The following HFM1 variants were observed in gnomAD, a reference collection of about 807,000 sequenced individuals.
HFM1 encodes probable ATP-dependent DNA helicase HFM1.
In HFM1, 169 loss-of-function variants were observed where a neutral mutation model predicts 192.1. That is an observed-to-expected ratio of 0.88 (90% confidence interval 0.78 to 1.00). The LOEUF is 1.00. Among genes scored for constraint, HFM1 ranks in the 50% least tolerant of loss-of-function variants. The pLI is 0.00. For missense variants in HFM1, 1,661 were observed against 1,668.0 expected, an observed-to-expected ratio of 1.00 and a Z score of 0.07; for synonymous variants, 525 against 537.8, an observed-to-expected ratio of 0.98 and a Z score of 0.33.
At chr1:91,367,380 C>T (rs282047) in intron 13 of HFM1, among the ~76,000 whole-genome samples, 2 of 152,084 alleles carry the variant, frequency 1.3e-5, no homozygotes, top group African/African-American at 4.8e-5. Flanking sequence ...ACACCTCACA[C>T]AGCTGGGTAC....
At chr1:91,316,231 CT>C in intron 26 of HFM1, 47 bp from the exon 27 acceptor site, 1 of 1,217,234 alleles carries the variant, frequency 8.2e-7, no homozygotes, top group Non-Finnish European at 1.2e-6. Flanking sequence ...ACTTGAAATT[CT>C]TTTAGTAAAA....
Position 91,378,132 on chromosome 1 carries a change from TAACTAC to T in HFM1, c.1282_1287del (p.Val428_Val429del), listed in dbSNP as rs1661125231. The T allele has an allele frequency of 6.2e-7, 1 of 1,610,524 alleles. No homozygotes were observed. Among genetic ancestry groups the T allele is most frequent in the African/African-American group, 1.3e-5 (1 of 74,912 alleles). ...ACAGACTGTACAGTTTTCATTCTGCTAACTACAACTTCAAGAGTTGGACCACGATTT... is the reference window on the plus strand; with the variant it reads ...ACAGACTGTACAGTTTTCATTCTGCTAACTTCAAGAGTTGGACCACGATTT... On this transcript the variant is annotated inframe_deletion, in exon 11 of 39. Coordinates refer to ENST00000370425, the MANE Select transcript of HFM1 (RefSeq NM_001017975.6).
At chr1:91,298,529 G>C (rs528521836) in intron 30 of HFM1, among the ~76,000 whole-genome samples, 1 of 152,240 alleles carries the variant, frequency 6.6e-6, no homozygotes, top group East Asian at 1.9e-4. Flanking sequence ...GTTAAGAGCA[G>C]CCAGAGAGAA....
chr1:91,293,046 A>G (rs938949814), intron 30 of HFM1, among the ~76,000 whole-genome samples: 1 of 152,214 alleles, frequency 6.6e-6, no homozygotes, highest in African/African-American at 2.4e-5. Flanking sequence ...TTATACAAAA[A>G]TTAATTCAAG....
chr1:91,315,018 T>C (rs1650997072), intron 28 of HFM1, among the ~76,000 whole-genome samples: 1 of 152,192 alleles, frequency 6.6e-6, no homozygotes, highest in Non-Finnish European at 1.5e-5. Flanking sequence ...TTCCTGAACT[T>C]ACAAGTACAG....
intron 20 of HFM1, among the ~76,000 whole-genome samples, chr1:91,334,496 A>G (rs1392835758): frequency 6.6e-6 from 1 of 152,236 alleles, no homozygotes; most frequent in Non-Finnish European, 1.5e-5. Flanking sequence ...ACAGGTGACC[A>G]CTTAAAATTC....
At chr1:91,395,023 G>GTA (rs149719832) in intron 3 of HFM1, among the ~76,000 whole-genome samples, 10,151 of 151,612 alleles carry the variant, frequency 0.067, 444 homozygotes, top group Middle Eastern at 0.15. Flanking sequence ...TTTGATATAA[G>GTA]TATATATATA....
intron 25 of HFM1, among the ~76,000 whole-genome samples, chr1:91,318,222 T>C (rs916292686): frequency 6.6e-6 from 1 of 152,148 alleles, no homozygotes; most frequent in Admixed American, 6.6e-5. Context: ...CAATCCCCAC[T>C]TCACCCCAGC....
intron 21 of HFM1, 152 bp downstream of exon 21, chr1:91,324,523 G>C: frequency 7.3e-6 from 4 of 546,272 alleles, no homozygotes; most frequent in Non-Finnish European, 1.3e-5. Context: ...CATATCTCAT[G>C]ATCAGAATTA....
At chr1:91,283,810 T>C (rs1481251484) in intron 30 of HFM1, among the ~76,000 whole-genome samples, 2 of 152,038 alleles carry the variant, frequency 1.3e-5, no homozygotes, top group African/African-American at 4.8e-5. Context: ...AAAAAAGAAG[T>C]CCAGACAATA....
At chr1:91,347,099 A>G (rs2101685055) in intron 19 of HFM1, among the ~76,000 whole-genome samples, 1 of 152,264 alleles carries the variant, frequency 6.6e-6, no homozygotes, top group Admixed American at 6.5e-5. Context: ...ACAGAGTAAG[A>G]CTGTCTCTTT....
chr1:91,341,070 C>T lies in HFM1; in HGVS notation c.2335+2360G>A, dbSNP rs557386527. Among the ~76,000 whole-genome samples, 10 of 152,256 alleles carry T rather than the reference C, an allele frequency of 6.6e-5. No homozygotes were observed. In the South Asian group the frequency reaches 2.1e-3, roughly 32 times the overall value. ...CAAATAAAAATGTTCAGGACCTAAA[C>T]TTGACACTTGACCAAATGGACCTAA... On this transcript the variant is annotated intron_variant, in intron 20 of 38. Transcript: ENST00000370425.
At chr1:91,300,858 C>T (rs1407213293) in intron 30 of HFM1, among the ~76,000 whole-genome samples, 1 of 152,120 alleles carries the variant, frequency 6.6e-6, no homozygotes, top group African/African-American at 2.4e-5. Flanking sequence ...GGAAGCATTC[C>T]CTTTGAAAAC....
intron 30 of HFM1, among the ~76,000 whole-genome samples, chr1:91,304,076 A>G (rs758506226): frequency 3.3e-5 from 5 of 152,006 alleles, no homozygotes; most frequent in Non-Finnish European, 7.4e-5. Context: ...GGTGGTCTTG[A>G]ACTCCTGACC....
chr1:91,367,698 T>A (rs1428849116), intron 13 of HFM1, among the ~76,000 whole-genome samples: 1 of 152,066 alleles, frequency 6.6e-6, no homozygotes, highest in Non-Finnish European at 1.5e-5. Context: ...TCAGAGTGCC[T>A]ATCCTCCTCC....
intron 30 of HFM1, 109 bp downstream of exon 30, chr1:91,313,240 C>G: frequency 1.7e-6 from 1 of 572,568 alleles, no homozygotes; most frequent in East Asian, 2.9e-5. Flanking sequence ...GCTTAAATAT[C>G]TTATTCCAGA....
Position 91,304,607 on chromosome 1 carries a change from C to T in HFM1, c.3391+8742G>A, listed in dbSNP as rs113944393. Among the ~76,000 whole-genome samples, 348 of 150,718 alleles carry T rather than the reference C, an allele frequency of 2.3e-3. 1 individual carries two copies. Among genetic ancestry groups the T allele is most frequent in the African/African-American group, 8.0e-3 (327 of 41,042 alleles). On this transcript the variant is annotated intron_variant, in intron 30 of 38. Transcript: ENST00000370425. Reference sequence around the variant, plus strand: ...TCACCCTCCTGAGTAGCTGGGATTACAGGGGCCCATCACCACAGCCGGCTA... The same window carrying T: ...TCACCCTCCTGAGTAGCTGGGATTATAGGGGCCCATCACCACAGCCGGCTA...
At chr1:91,265,150 T>A (rs1215323771) in intron 36 of HFM1, among the ~76,000 whole-genome samples, 1 of 152,218 alleles carries the variant, frequency 6.6e-6, no homozygotes, top group Non-Finnish European at 1.5e-5. Flanking sequence ...GATGATTTTT[T>A]AAATCAAATT....
intron 11 of HFM1, chr1:91,377,752 T>C (rs1401751797): frequency 1.2e-5 from 5 of 414,058 alleles, no homozygotes; most frequent in Non-Finnish European, 8.6e-6. Flanking sequence ...TTAGTGAAGT[T>C]ACTATGAGGC....
Sources: allele counts gnomAD v4.1 joint callset (sites outside exome capture counted in the v4.1 genomes callset), GRCh38; gene constraint gnomAD v4.1.1; transcripts MANE v1.5; gene names NCBI Gene and HGNC (gene_info 2026-07-23, HGNC 2026-07-21).